The following CELF2 variants were observed in gnomAD, a reference collection of about 807,000 sequenced individuals.
CELF2 encodes the protein CUG triplet repeat RNA-binding protein 2.
CELF2 carries 8 observed loss-of-function variants against 62.6 expected under a neutral mutation model. The observed-to-expected ratio is 0.13, with a 90% confidence interval of 0.07 to 0.23. The LOEUF is 0.23. Ranked by LOEUF, CELF2 falls within the 10% of genes least tolerant of loss-of-function variation. The pLI, the probability that CELF2 is intolerant of heterozygous loss-of-function variation, is 1.00. For synonymous variants in CELF2, 258 were observed against 250.0 expected, an observed-to-expected ratio of 1.03 and a Z score of -0.30; for missense variants, 333 against 671.0, an observed-to-expected ratio of 0.50 and a Z score of 5.56.
In CELF2 at chr10:11,017,976, G is replaced by C. The variant is rs2057537230; in HGVS notation, c.-114G>C. 1.0e-6 allele frequency: 1 copy of C among 989,928 alleles called. No individual in the cohort carries two copies. Among genetic ancestry groups the C allele is most frequent in the Non-Finnish European group, 1.2e-6 (1 of 834,302 alleles). The allele number at this position is 989,928 out of a possible 1,614,324, so 61.3% of individuals were successfully genotyped here. On this transcript the variant is annotated 5_prime_UTR_variant, in exon 1 of 13. Coordinates refer to ENST00000633077, the MANE Select transcript of CELF2 (RefSeq NM_001326342.2). This position sits in a 1 kb window ranked among gnomAD's most constrained non-coding sequence, Gnocchi z 5.5. ...AGAGAATGTGACAAGTGCCGGCTCG[G>C]CGGCCGCCGGGGGAGGCCGCGCGCA...
At chr10:10,887,062 C>T (rs933528353) in intron 1 of CELF2, among the ~76,000 whole-genome samples, 2 of 152,082 alleles carry the variant, frequency 1.3e-5, no homozygotes, top group South Asian at 2.1e-4. Context: ...AACTCCCTGT[C>T]GCCAGGTCTA....
At chr10:11,050,747 C>G (rs2063769225) in intron 1 of CELF2, among the ~76,000 whole-genome samples, 1 of 152,178 alleles carries the variant, frequency 6.6e-6, no homozygotes, top group South Asian at 2.1e-4. Flanking sequence ...CCTGCATTGC[C>G]AGACAGATCT....
At chr10:10,567,563 G>A in the CELF2 span, among the ~76,000 whole-genome samples, 1 of 152,132 alleles carries the variant, frequency 6.6e-6, no homozygotes, top group Non-Finnish European at 1.5e-5. Flanking sequence ...AACTCTTAAG[G>A]TGGGGTGACC....
chr10:10,872,276 A>T (rs2060798704), intron 1 of CELF2, among the ~76,000 whole-genome samples: 2 of 152,194 alleles, frequency 1.3e-5, no homozygotes, highest in Non-Finnish European at 2.9e-5. Context: ...TGTAACGCAG[A>T]GGCCAGAGCT....
rs2052400045 is a variant in CELF2 at position 10,983,605 on chromosome 10, C to T, written c.89+63606C>T. Among the ~76,000 whole-genome samples the T allele has an allele frequency of 1.3e-5, 2 of 152,142 alleles. No individual in the cohort carries two copies. The highest frequency in any genetic ancestry group is 4.1e-4 in the South Asian group (2 of 4,824). On this transcript the variant is annotated intron_variant, in intron 2 of 13. Transcript: ENST00000636488. The surrounding 1 kb of genome is among the most constrained non-coding windows in gnomAD (Gnocchi z 5.2). ...TTTTTTGAGACAGAGTCTCACTCTG[C>T]TGCCCAGGCTGGAGTGCAGTGGCAC...
chr10:11,143,921 C>G (rs554816380), intron 1 of CELF2, among the ~76,000 whole-genome samples: 8 of 152,206 alleles, frequency 5.3e-5, no homozygotes, highest in Admixed American at 2.0e-4. Context: ...AATGCACAGA[C>G]CTGAAGGAGA....
chr10:11,334,736 T>C lies in CELF2; in HGVS notation c.*5683T>C, dbSNP rs2096087187. Reference sequence around the variant, plus strand: ...GTTCTTAACATACATTCCAAACTGCTGCGGGGTTTCCTCTCCACACCCACG... The same window carrying C: ...GTTCTTAACATACATTCCAAACTGCCGCGGGGTTTCCTCTCCACACCCACG... On this transcript the variant is annotated 3_prime_UTR_variant, in exon 13 of 13. Coordinates refer to ENST00000633077, the MANE Select transcript of CELF2 (RefSeq NM_001326342.2). 1 of 152,208 alleles carries C rather than the reference T, an allele frequency of 6.6e-6. No individual in the cohort carries two copies. The highest frequency in any genetic ancestry group is 1.5e-5 in the Non-Finnish European group (1 of 68,036). The allele number at this position is 152,208 out of a possible 1,614,324, so 9.4% of individuals were successfully genotyped here.
At chr10:11,276,453 A>T (rs1052238333) in intron 8 of CELF2, among the ~76,000 whole-genome samples, 2 of 152,258 alleles carry the variant, frequency 1.3e-5, no homozygotes, top group Admixed American at 6.5e-5. Context: ...CCTTGGAGCT[A>T]AGAATCACAT....
At chr10:10,501,435 A>C in the CELF2 span, among the ~76,000 whole-genome samples, 1 of 152,104 alleles carries the variant, frequency 6.6e-6, no homozygotes, top group Admixed American at 6.6e-5. Flanking sequence ...TCTTTTGCCC[A>C]CTTTATAATT....
At chr10:10,494,849 A>C in the CELF2 span, among the ~76,000 whole-genome samples, 1 of 152,228 alleles carries the variant, frequency 6.6e-6, no homozygotes. Context: ...AAAAGGTCCA[A>C]ATTAAGCTAA....
At chr10:10,764,985 G>A in the CELF2 span, among the ~76,000 whole-genome samples, 3 of 152,300 alleles carry the variant, frequency 2.0e-5, no homozygotes, top group Non-Finnish European at 2.9e-5. Flanking sequence ...CCAGGAAAGC[G>A]GGATTAAGGG....
At chr10:10,815,963 T>C (rs1280829663) in intron 1 of CELF2, among the ~76,000 whole-genome samples, 6 of 151,852 alleles carry the variant, frequency 4.0e-5, no homozygotes, top group Non-Finnish European at 8.8e-5. Flanking sequence ...TCGTTTCTTA[T>C]TTTTTGGCAG....
At chr10:11,262,940 CTTTTTTTTTTTTTTTT>C (rs553831640) in intron 5 of CELF2, among the ~76,000 whole-genome samples, 1 of 52,766 alleles carries the variant, frequency 1.9e-5, no homozygotes, top group Non-Finnish European at 3.3e-5. Flanking sequence ...AGTGGCTTTA[CTTTTTTTTTTTTTTTT>C]TTTTTTTTTT....
the CELF2 span, among the ~76,000 whole-genome samples, chr10:10,666,874 A>G: frequency 2.0e-5 from 3 of 150,306 alleles, no homozygotes; most frequent in South Asian, 4.3e-4. Context: ...AAAAAAAAAA[A>G]AAAAAGAAAA....
intron 1 of CELF2, among the ~76,000 whole-genome samples, chr10:11,067,258 A>G (rs2068425667): frequency 1.3e-5 from 2 of 152,254 alleles, no homozygotes; most frequent in Admixed American, 1.3e-4. Flanking sequence ...TGGCAGATTA[A>G]AAACACTGGG....
intron 1 of CELF2, among the ~76,000 whole-genome samples, chr10:11,118,357 G>A (rs565089446): frequency 6.6e-6 from 1 of 152,012 alleles, no homozygotes; most frequent in Non-Finnish European, 1.5e-5. Context: ...CATCTATGGG[G>A]AGTCTTTTTG....
At chr10:10,556,538 G>T in the CELF2 span, among the ~76,000 whole-genome samples, 1 of 152,150 alleles carries the variant, frequency 6.6e-6, no homozygotes, top group African/African-American at 2.4e-5. Flanking sequence ...AATCCTTTGG[G>T]TATATACCCA....
At chr10:10,673,898 A>G in the CELF2 span, among the ~76,000 whole-genome samples, 1 of 152,162 alleles carries the variant, frequency 6.6e-6, no homozygotes, top group South Asian at 2.1e-4. Context: ...ATATTATATG[A>G]TTTCTGTCTT....
chr10:11,278,190 T>C lies in CELF2; in HGVS notation c.841+3070T>C, dbSNP rs74115813. On this transcript the variant is annotated intron_variant, in intron 8 of 12. Transcript: ENST00000633077. ...AAATTGAATGAGACGTCAGCTATACTTCCTTTCCCAAAAAATCTTACCATT... is the reference window on the plus strand; with the variant it reads ...AAATTGAATGAGACGTCAGCTATACCTCCTTTCCCAAAAAATCTTACCATT... Among the ~76,000 whole-genome samples the C allele has an allele frequency of 2.7e-3, 413 of 152,350 alleles. 5 individuals carry two copies. The highest frequency in any genetic ancestry group is 9.4e-3 in the African/African-American group (391 of 41,588).
Sources: gnomAD v4.1 joint callset for allele counts (sites outside exome capture counted in the v4.1 genomes callset) on GRCh38, gnomAD v4.1.1 for gene constraint, Gnocchi (gnomAD v3.1) non-coding constraint, MANE v1.5 for transcripts, NCBI Gene and HGNC (gene_info 2026-07-23, HGNC 2026-07-21) for gene names.